CLDN10: variants seen among roughly 807,000 people sequenced by gnomAD.
The protein encoded by CLDN10 is claudin-10.
CLDN10 carries 15 observed loss-of-function variants against 22.9 expected under a neutral mutation model. The observed-to-expected ratio is 0.65, with a 90% CI of 0.44 to 1.01. The LOEUF is 1.01. Ranked by LOEUF, CLDN10 falls within the 50% of genes least tolerant of loss-of-function variation. The probability of loss-of-function intolerance (pLI) is 0.00; values close to 1 mark genes in which losing one functional copy is unlikely to be tolerated. For missense variants in CLDN10, 247 were observed against 287.8 expected, an observed-to-expected ratio of 0.86 and a Z score of 1.03; for synonymous variants, 114 against 111.4, an observed-to-expected ratio of 1.02 and a Z score of -0.15.
chr13:95,470,929 C>A (rs577092467), intron 1 of CLDN10, among the ~76,000 whole-genome samples: 1 of 152,236 alleles, frequency 6.6e-6, no homozygotes, highest in East Asian at 1.9e-4. Context: ...AATGCATGAG[C>A]CCCTACTGCG....
At chr13:95,460,063 CTT>C (rs2042520281) in intron 1 of CLDN10, among the ~76,000 whole-genome samples, 1 of 152,200 alleles carries the variant, frequency 6.6e-6, no homozygotes, top group Non-Finnish European at 1.5e-5. Flanking sequence ...CTTCCAGTCT[CTT>C]TGCTAAAGCA....
chr13:95,447,105 C>T (rs928832074), intron 1 of CLDN10, among the ~76,000 whole-genome samples: 4 of 152,304 alleles, frequency 2.6e-5, no homozygotes, highest in Admixed American at 6.5e-5. Context: ...TGCATAAAAA[C>T]GACCCGCCAT....
intron 1 of CLDN10, chr13:95,434,053 T>A (rs377468508): frequency 1.9e-6 from 3 of 1,611,804 alleles, no homozygotes; most frequent in Admixed American, 1.7e-5. Flanking sequence ...AGCAGGTAAA[T>A]ATAATGGCTT....
intron 1 of CLDN10, among the ~76,000 whole-genome samples, chr13:95,479,260 A>G (rs9590281): frequency 0.049 from 7,430 of 151,968 alleles, 617 homozygotes; most frequent in African/African-American, 0.17. Context: ...GAGGCAGGGA[A>G]AATTGCTTGA....
chr13:95,542,448 C>T (rs768591029), intron 1 of CLDN10, among the ~76,000 whole-genome samples: 18 of 152,310 alleles, frequency 1.2e-4, no homozygotes, highest in Middle Eastern at 6.8e-3. Flanking sequence ...TCCACAAGTA[C>T]GGTTCATCTT....
At chr13:95,472,198 T>C (rs1259559729) in intron 1 of CLDN10, among the ~76,000 whole-genome samples, 2 of 152,122 alleles carry the variant, frequency 1.3e-5, no homozygotes, top group Non-Finnish European at 2.9e-5. Flanking sequence ...TAGAAGCAGA[T>C]ATGGTAGTAC....
At chr13:95,555,954 A>G (rs2043633570) in intron 1 of CLDN10, among the ~76,000 whole-genome samples, 1 of 152,162 alleles carries the variant, frequency 6.6e-6, no homozygotes, top group Admixed American at 6.5e-5. Flanking sequence ...AAGAGAATCC[A>G]GGAAGGGAGA....
At chr13:95,480,280 T>C (rs2042731350) in intron 1 of CLDN10, among the ~76,000 whole-genome samples, 1 of 152,092 alleles carries the variant, frequency 6.6e-6, no homozygotes, top group South Asian at 2.1e-4. Context: ...TTGAGTGGGG[T>C]CACAGCCAAA....
At chr13:95,499,657 A>AG (rs1566303086) in intron 1 of CLDN10, among the ~76,000 whole-genome samples, 7 of 152,208 alleles carry the variant, frequency 4.6e-5, no homozygotes, top group African/African-American at 1.4e-4. Flanking sequence ...CCCTGCTGCC[A>AG]GTGGAGGTGG....
chr13:95,579,718 G>A lies in CLDN10; in HGVS notation c.*1704G>A, dbSNP rs900911872. 2 of 152,096 alleles carry A rather than the reference G, an allele frequency of 1.3e-5. No individual in the cohort carries two copies. The highest frequency in any genetic ancestry group is 2.9e-5 in the Non-Finnish European group (2 of 67,996). 9.4% of individuals were successfully genotyped at this position (152,096 alleles called of 1,614,324 possible). ...AATGGAAAGAAAAGGAAATGAACAA[G>A]TTTGTTAAAAGATAAAAAATAAAAA... On this transcript the variant is annotated 3_prime_UTR_variant, in exon 5 of 5. Transcript: ENST00000299339.
At chr13:95,475,888 T>C (rs901456910) in intron 1 of CLDN10, among the ~76,000 whole-genome samples, 7 of 152,008 alleles carry the variant, frequency 4.6e-5, no homozygotes. Context: ...TTGAGCACCA[T>C]GGCTCTGCTG....
At chr13:95,471,453 A>ATATTTT (rs776857009) in intron 1 of CLDN10, among the ~76,000 whole-genome samples, 84 of 106,382 alleles carry the variant, frequency 7.9e-4, no homozygotes, top group African/African-American at 2.6e-3. Flanking sequence ...ATATATATAT[A>ATATTTT]TTTTTTTTTT....
intron 1 of CLDN10, among the ~76,000 whole-genome samples, chr13:95,538,613 C>T (rs1037429865): frequency 8.5e-5 from 13 of 152,200 alleles, no homozygotes; most frequent in Non-Finnish European, 1.5e-5. Flanking sequence ...CTGAAATCCT[C>T]ACGCTGCATC....
At chr13:95,471,702 T>A (rs939494459) in intron 1 of CLDN10, among the ~76,000 whole-genome samples, 1 of 152,042 alleles carries the variant, frequency 6.6e-6, no homozygotes, top group Non-Finnish European at 1.5e-5. Flanking sequence ...TCCACCCTCA[T>A]TGGCCTCCCA....
At chr13:95,484,256 A>T (rs933554593) in intron 1 of CLDN10, among the ~76,000 whole-genome samples, 2 of 152,152 alleles carry the variant, frequency 1.3e-5, no homozygotes, top group African/African-American at 4.8e-5. Context: ...CAGCACTTCT[A>T]GCAGCTGGGG....
intron 1 of CLDN10, among the ~76,000 whole-genome samples, chr13:95,450,574 C>T (rs1304487043): frequency 1.3e-5 from 2 of 152,196 alleles, no homozygotes; most frequent in Non-Finnish European, 2.9e-5. Flanking sequence ...CCTCACAGTC[C>T]GCTCTGATTT....
intron 1 of CLDN10, among the ~76,000 whole-genome samples, chr13:95,459,304 T>A (rs2042512406): frequency 6.6e-6 from 1 of 152,218 alleles, no homozygotes; most frequent in Non-Finnish European, 1.5e-5. Flanking sequence ...GGCTATGCCC[T>A]AGTAGGGACT....
chr13:95,515,122 T>C (rs1305354372), intron 1 of CLDN10, among the ~76,000 whole-genome samples: 2 of 152,220 alleles, frequency 1.3e-5, no homozygotes, highest in Non-Finnish European at 2.9e-5. Flanking sequence ...CCTCCTATCT[T>C]AGCCTCCTGA....
chr13:95,516,085 G>GA lies in CLDN10; in HGVS notation c.215-44035dup, dbSNP rs66525918. Among the ~76,000 whole-genome samples the GA allele has an allele frequency of 1.1e-3, 155 of 143,124 alleles. 3 individuals are homozygous for GA. The highest frequency in any genetic ancestry group is 1.6e-3 in the Non-Finnish European group (102 of 64,862). The allele number at this position is 143,124 out of a possible 152,430, so 93.9% of individuals were successfully genotyped here. A position where few individuals can be genotyped will look rare whatever the true frequency, so the allele number is the denominator to read the frequency against. On this transcript the variant is annotated intron_variant, in intron 1 of 4. Transcript: ENST00000376873. ...CAAGACTCTGTCTCCAAGAAAAAAA[G>GA]AAAAAAAAAAAAGATGTCCTTTATA... is the stretch of plus-strand genomic sequence containing the variant.
Sources: allele counts gnomAD v4.1 joint callset (sites outside exome capture counted in the v4.1 genomes callset), GRCh38; gene constraint gnomAD v4.1.1; transcripts MANE v1.5; gene names NCBI Gene and HGNC (gene_info 2026-07-23, HGNC 2026-07-21).